The following GLIS3 variants were observed in gnomAD, a reference collection of about 807,000 sequenced individuals.
GLIS3 encodes zinc finger protein GLIS3.
GLIS3 carries 53 observed loss-of-function variants against 78.6 expected under a neutral mutation model. That is an observed-to-expected ratio of 0.67 (90% confidence interval 0.54 to 0.85). The LOEUF (loss-of-function observed/expected upper bound fraction) is 0.85. Among genes scored for constraint, GLIS3 ranks in the 40% least tolerant of loss-of-function variants. The pLI, the probability that GLIS3 is intolerant of heterozygous loss-of-function variation, is 0.00. For missense variants in GLIS3, 1,703 were observed against 1,231.1 expected, an observed-to-expected ratio of 1.38 and a Z score of -5.74; for synonymous variants, 684 against 509.9, an observed-to-expected ratio of 1.34 and a Z score of -4.60.
At chr9:4,168,580 T>C (rs1484503302) in intron 2 of GLIS3, among the ~76,000 whole-genome samples, 1 of 152,176 alleles carries the variant, frequency 6.6e-6, no homozygotes, top group Non-Finnish European at 1.5e-5. Context: ...GAATATTATG[T>C]GCTAAACAAA....
chr9:4,045,183 G>T (rs1336724239), intron 4 of GLIS3, among the ~76,000 whole-genome samples: 1 of 152,072 alleles, frequency 6.6e-6, no homozygotes, highest in Admixed American at 6.6e-5. Flanking sequence ...TGCCATTTTG[G>T]CCATATTGAT....
chr9:3,919,234 T>G (rs1824713684), intron 6 of GLIS3, among the ~76,000 whole-genome samples: 1 of 152,208 alleles, frequency 6.6e-6, no homozygotes, highest in Non-Finnish European at 1.5e-5. Flanking sequence ...TTTTCAGTGT[T>G]GGGAAATCAG....
At chr9:4,488,861 CTTCT>C in the GLIS3 span, among the ~76,000 whole-genome samples, 6 of 151,728 alleles carry the variant, frequency 4.0e-5, no homozygotes, top group Non-Finnish European at 8.8e-5. Context: ...CATTTCCTTC[CTTCT>C]TTCTTTCTTT....
intron 9 of GLIS3, among the ~76,000 whole-genome samples, chr9:3,852,516 G>T (rs1204686708): frequency 6.6e-6 from 1 of 152,172 alleles, no homozygotes; most frequent in Non-Finnish European, 1.5e-5. Context: ...AAAGCTGAAA[G>T]GCATGATCAA....
At chr9:4,246,337 C>G (rs1305988265) in intron 2 of GLIS3, among the ~76,000 whole-genome samples, 1 of 152,188 alleles carries the variant, frequency 6.6e-6, no homozygotes, top group Admixed American at 6.5e-5. Context: ...CACAAATCAA[C>G]TTATATGAAG....
At chr9:4,145,625 G>A (rs1377470779) in intron 2 of GLIS3, among the ~76,000 whole-genome samples, 4 of 152,044 alleles carry the variant, frequency 2.6e-5, no homozygotes, top group Admixed American at 6.5e-5. Flanking sequence ...GCCCGACTCT[G>A]AGAGCAGTCT....
At chr9:4,085,799 G>A (rs1828973077) in intron 4 of GLIS3, among the ~76,000 whole-genome samples, 1 of 152,104 alleles carries the variant, frequency 6.6e-6, no homozygotes, top group Non-Finnish European at 1.5e-5. Flanking sequence ...TCCTGCTTTT[G>A]CTAAGTGATG....
chr9:3,876,475 A>C (rs192906605), intron 8 of GLIS3, among the ~76,000 whole-genome samples: 1 of 150,872 alleles, frequency 6.6e-6, no homozygotes, highest in Non-Finnish European at 1.5e-5. Flanking sequence ...TATCAATGTT[A>C]AATTTCCTGA....
intron 4 of GLIS3, among the ~76,000 whole-genome samples, chr9:4,034,356 T>G (rs528333898): frequency 1.3e-5 from 2 of 152,226 alleles, no homozygotes; most frequent in East Asian, 3.9e-4. Context: ...CTAATTATTA[T>G]ATTTTCAATT....
chr9:4,453,225 G>A, the GLIS3 span, among the ~76,000 whole-genome samples: 1 of 151,252 alleles, frequency 6.6e-6, no homozygotes, highest in Non-Finnish European at 1.5e-5. Flanking sequence ...GAAAACCTAG[G>A]CAGTACCATT....
At chr9:4,163,931 A>T (rs1444388967) in intron 2 of GLIS3, among the ~76,000 whole-genome samples, 1 of 152,270 alleles carries the variant, frequency 6.6e-6, no homozygotes, top group Non-Finnish European at 1.5e-5. Flanking sequence ...CATTTCTAGC[A>T]GCCACACTGG....
intron 6 of GLIS3, among the ~76,000 whole-genome samples, chr9:3,924,041 G>A (rs1368764602): frequency 6.6e-6 from 1 of 152,186 alleles, no homozygotes; most frequent in African/African-American, 2.4e-5. Flanking sequence ...TGGTCTATGA[G>A]CCCCAAGTCA....
At chr9:4,357,846 T>C in the GLIS3 span, among the ~76,000 whole-genome samples, 1 of 152,188 alleles carries the variant, frequency 6.6e-6, no homozygotes, top group Non-Finnish European at 1.5e-5. Context: ...TCCCATTGAA[T>C]CTGTGTCAAT....
chr9:4,326,427 CATT>C (rs1157578462), intron 2 of GLIS3, among the ~76,000 whole-genome samples: 2 of 152,232 alleles, frequency 1.3e-5, no homozygotes, highest in African/African-American at 2.4e-5. Context: ...ATCTCGAAAA[CATT>C]ATGCTAAGTG....
At chr9:4,401,676 T>C in the GLIS3 span, among the ~76,000 whole-genome samples, 2 of 151,790 alleles carry the variant, frequency 1.3e-5, no homozygotes, top group East Asian at 3.9e-4. Flanking sequence ...CAAGCGATTC[T>C]CATGCCTCAG....
the GLIS3 span, among the ~76,000 whole-genome samples, chr9:4,439,986 A>C: frequency 6.6e-6 from 1 of 152,172 alleles, no homozygotes; most frequent in African/African-American, 2.4e-5. Context: ...CCCAGCCTAC[A>C]TGTCTTCTTT....
intron 6 of GLIS3, among the ~76,000 whole-genome samples, chr9:3,902,551 G>C (rs1823390302): frequency 6.6e-6 from 1 of 152,184 alleles, no homozygotes; most frequent in African/African-American, 2.4e-5. Context: ...AAGATAGAGG[G>C]AAATTTTTCA....
chr9:4,122,262 GA>G (rs1428152250), intron 3 of GLIS3, among the ~76,000 whole-genome samples: 4 of 152,064 alleles, frequency 2.6e-5, no homozygotes, highest in African/African-American at 9.7e-5. Context: ...TTCCTCAAAA[GA>G]AAAAATATAT....
At chr9:4,145,125 G>C (rs1332283023) in intron 2 of GLIS3, 1 of 152,222 alleles carries the variant, frequency 6.6e-6, no homozygotes, top group Non-Finnish European at 1.5e-5. Context: ...TGTGATTTTA[G>C]ACTTGGGCTC....
Sources: gnomAD v4.1 joint callset for allele counts (sites outside exome capture counted in the v4.1 genomes callset) on GRCh38, gnomAD v4.1.1 for gene constraint, MANE v1.5 for transcripts, NCBI Gene and HGNC (gene_info 2026-07-23, HGNC 2026-07-21) for gene names.